LIN28B: variants seen among roughly 807,000 people sequenced by gnomAD.
LIN28B encodes the protein protein lin-28 homolog B.
Under a neutral mutation model 21.9 loss-of-function variants are expected in LIN28B, and 5 were observed. The observed-to-expected ratio is 0.23, with a 90% CI of 0.12 to 0.48. LIN28B has a LOEUF of 0.48. Ranked by LOEUF, LIN28B falls within the 20% of genes least tolerant of loss-of-function variation. LIN28B has a pLI of 0.98. For synonymous variants in LIN28B, 109 were observed against 111.3 expected, an observed-to-expected ratio of 0.98 and a Z score of 0.13; for missense variants, 245 against 310.5, an observed-to-expected ratio of 0.79 and a Z score of 1.58.
chr6:105,080,950 A>C lies in LIN28B; in HGVS notation c.*2167A>C, dbSNP rs879732137. The stretch of plus-strand genomic sequence containing the variant: ...AATTCAGAGCTAAAATCATGGTAAA[A>C]AAAAATAGAAACACTTGAGAACTAT... On this transcript the variant is annotated 3_prime_UTR_variant, in exon 4 of 4. Transcript: ENST00000345080. The C allele has an allele frequency of 2.0e-5, 3 of 152,626 alleles. No homozygotes were observed. The highest frequency in any genetic ancestry group is 1.3e-4 in the Admixed American group (2 of 15,282). The allele number at this position is 152,626 out of a possible 1,614,324, so 9.5% of individuals were successfully genotyped here.
intron 3 of LIN28B, among the ~76,000 whole-genome samples, chr6:105,062,705 G>A (rs1046751706): frequency 3.3e-5 from 5 of 152,078 alleles, no homozygotes; most frequent in African/African-American, 1.2e-4. Context: ...ACGTTTCTAA[G>A]AGGTTCCAGC....
In LIN28B at chr6:104,947,427, A is replaced by G. The variant is rs186800091; in HGVS notation, c.19-3034A>G. 3.0e-3 allele frequency among the ~76,000 whole-genome samples: 454 copies of G among 152,216 alleles called. 6 individuals carry two copies. The highest frequency in any genetic ancestry group is 0.01 in the Middle Eastern group (3 of 294). ...GCATGAGCCACCACACCAGCTGGCAATTTTTGAGTGAATTACAATATATAA... is the reference window on the plus strand; with the variant it reads ...GCATGAGCCACCACACCAGCTGGCAGTTTTTGAGTGAATTACAATATATAA... On this transcript the variant is annotated intron_variant, in intron 2 of 5. Transcript: ENST00000635857.
At chr6:104,994,320 AACTTTTAACGAT>A (rs1466297583) in intron 2 of LIN28B, among the ~76,000 whole-genome samples, 2 of 152,260 alleles carry the variant, frequency 1.3e-5, no homozygotes, top group African/African-American at 4.8e-5. Flanking sequence ...AACATTTTTT[AACTTTTAACGAT>A]ACTTTTAAGT....
chr6:104,953,704 G>A (rs887074071), upstream of LIN28B, among the ~76,000 whole-genome samples: 21 of 152,092 alleles, frequency 1.4e-4, no homozygotes, highest in African/African-American at 5.1e-4. Flanking sequence ...CTGGCGCGGG[G>A]TCTGGGGTCT....
chr6:105,007,221 T>G (rs1770835440), intron 2 of LIN28B, among the ~76,000 whole-genome samples: 1 of 152,210 alleles, frequency 6.6e-6, no homozygotes, highest in Non-Finnish European at 1.5e-5. Flanking sequence ...TAGTTTAAGA[T>G]AAATAATTTA....
intron 3 of LIN28B, among the ~76,000 whole-genome samples, chr6:105,071,393 T>A (rs1562114440): frequency 6.6e-6 from 1 of 152,222 alleles, no homozygotes. Flanking sequence ...AAAATGTTTT[T>A]TGGTATATGT....
At chr6:105,031,028 G>A (rs529482264) in intron 3 of LIN28B, among the ~76,000 whole-genome samples, 9 of 151,908 alleles carry the variant, frequency 5.9e-5, no homozygotes, top group South Asian at 2.1e-4. Context: ...AAGTATGGCC[G>A]CCAAACATGT....
chr6:104,986,575 A>G (rs1562082244), intron 2 of LIN28B, among the ~76,000 whole-genome samples: 1 of 151,098 alleles, frequency 6.6e-6, no homozygotes, highest in East Asian at 2.0e-4. Context: ...TTGATTGTGA[A>G]TGCTTTACAT....
At chr6:105,073,098 A>T (rs1433396136) in intron 3 of LIN28B, among the ~76,000 whole-genome samples, 1 of 151,662 alleles carries the variant, frequency 6.6e-6, no homozygotes, top group African/African-American at 2.4e-5. Context: ...TTCTCTAATA[A>T]CCTTTCTGCC....
chr6:105,007,452 T>C (rs912367059), intron 2 of LIN28B, among the ~76,000 whole-genome samples: 7 of 152,186 alleles, frequency 4.6e-5, no homozygotes, highest in Admixed American at 3.3e-4. Context: ...TTTGGAGATT[T>C]TAAATGACCA....
intron 2 of LIN28B, among the ~76,000 whole-genome samples, chr6:104,993,386 T>A (rs145495169): frequency 2.4e-4 from 36 of 152,236 alleles, no homozygotes; most frequent in African/African-American, 8.2e-4. Flanking sequence ...GGAGATCACT[T>A]GAGCTCAGGA....
At chr6:104,990,438 C>T (rs1024572055) in intron 2 of LIN28B, among the ~76,000 whole-genome samples, 2 of 151,638 alleles carry the variant, frequency 1.3e-5, no homozygotes, top group African/African-American at 4.8e-5. Flanking sequence ...AGTGTTTCAC[C>T]TGGTATAATT....
intron 2 of LIN28B, among the ~76,000 whole-genome samples, chr6:105,008,044 T>C (rs1270023303): frequency 6.6e-6 from 1 of 152,234 alleles, no homozygotes; most frequent in African/African-American, 2.4e-5. Context: ...TGTAATTTTG[T>C]GCCTTGTGTC....
At position 104,992,510 on chromosome 6, in the gene LIN28B, GTGTGTT is replaced by G. The variant is rs1015708638; in HGVS notation, c.199-33786_199-33781del. ...TGTGTGTGTGTGTGTGTGTGTGTGTGTGTGTTTTTTTTTTAAACAGGGTCTCACTCT... is the reference window on the plus strand; with the variant it reads ...TGTGTGTGTGTGTGTGTGTGTGTGTGTTTTTTTTAAACAGGGTCTCACTCT... On this transcript the variant is annotated intron_variant, in intron 2 of 3. Transcript: ENST00000345080. Among the ~76,000 whole-genome samples the G allele has an allele frequency of 2.5e-4, 28 of 113,804 alleles. 1 individual carries two copies. Among genetic ancestry groups the G allele is most frequent in the South Asian group, 1.3e-3 (4 of 3,096 alleles). 74.7% of individuals were successfully genotyped at this position (113,804 alleles called of 152,430 possible).
At chr6:105,016,703 T>A (rs1348460377) in intron 2 of LIN28B, among the ~76,000 whole-genome samples, 31 of 152,150 alleles carry the variant, frequency 2.0e-4, no homozygotes, top group Admixed American at 2.0e-3. Flanking sequence ...GGGATGGTTT[T>A]AGGCATGTAA....
intron 3 of LIN28B, among the ~76,000 whole-genome samples, chr6:105,077,160 G>A (rs1582936282): frequency 2.0e-5 from 3 of 152,094 alleles, no homozygotes; most frequent in Admixed American, 2.0e-4. Context: ...AATCCGGGAG[G>A]CAGAGGTTGC....
At chr6:104,950,950 A>C (rs556756841) in intron 3 of LIN28B, among the ~76,000 whole-genome samples, 1 of 152,212 alleles carries the variant, frequency 6.6e-6, no homozygotes, top group Non-Finnish European at 1.5e-5. Context: ...ATAATTTATC[A>C]TAACAGAAAT....
chr6:105,004,339 A>C (rs1207607203), intron 2 of LIN28B, among the ~76,000 whole-genome samples: 1 of 152,194 alleles, frequency 6.6e-6, no homozygotes, highest in African/African-American at 2.4e-5. Flanking sequence ...TATCACAGCT[A>C]AGAAGGAAAA....
At chr6:105,030,265 G>C (rs1229012179) in intron 3 of LIN28B, among the ~76,000 whole-genome samples, 1 of 152,172 alleles carries the variant, frequency 6.6e-6, no homozygotes, top group Non-Finnish European at 1.5e-5. Flanking sequence ...ATTTGACAGT[G>C]TGGTAGCAAG....
Sources: allele counts gnomAD v4.1 joint callset (sites outside exome capture counted in the v4.1 genomes callset), GRCh38; gene constraint gnomAD v4.1.1; transcripts MANE v1.5; gene names NCBI Gene and HGNC (gene_info 2026-07-23, HGNC 2026-07-21).